The following DOCK2 variants were observed in gnomAD, a reference collection of about 807,000 sequenced individuals.
DOCK2 encodes dedicator of cytokinesis protein 2.
In DOCK2, 87 loss-of-function variants were observed where a neutral mutation model predicts 248.9. The observed-to-expected ratio is 0.35, with a 90% CI of 0.29 to 0.42. The LOEUF is 0.42. Ranked by LOEUF, DOCK2 falls within the 10% of genes least tolerant of loss-of-function variation. The pLI is 1.00. For synonymous variants in DOCK2, 805 were observed against 821.6 expected (o/e 0.98, Z 0.35); for missense variants, 1,747 against 2,300.2 (o/e 0.76, Z 4.92).
At chr5:169,858,315 G>T (rs1326282416) in intron 27 of DOCK2, among the ~76,000 whole-genome samples, 1 of 152,210 alleles carries the variant, frequency 6.6e-6, no homozygotes, top group Admixed American at 6.5e-5. Flanking sequence ...ATGTCTAAGA[G>T]GGGTATTTGG....
intron 2 of DOCK2, among the ~76,000 whole-genome samples, chr5:169,668,626 C>G (rs1758861652): frequency 6.6e-6 from 1 of 152,318 alleles, no homozygotes; most frequent in East Asian, 1.9e-4. Context: ...TCAGGACTTG[C>G]TGCACTCAGG....
In DOCK2 at chr5:169,714,341, T is replaced by C; in HGVS notation, c.1844-19T>C. On this transcript the variant is annotated intron_variant, in intron 18 of 51. Coordinates refer to ENST00000520908, the MANE Select transcript of DOCK2 (RefSeq NM_004946.3). Reference sequence around the variant, plus strand: ...TTAGGCCAGTAATGATACTTCTGAATGTCTGGACTCTATTTTAGTGGGCTT... The same window carrying C: ...TTAGGCCAGTAATGATACTTCTGAACGTCTGGACTCTATTTTAGTGGGCTT... The C allele has an allele frequency of 6.2e-7, 1 of 1,614,034 alleles. No homozygotes were observed. Among genetic ancestry groups the C allele is most frequent in the Non-Finnish European group, 8.5e-7 (1 of 1,179,938 alleles).
chr5:169,950,644 C>T (rs764179763), intron 27 of DOCK2, among the ~76,000 whole-genome samples: 1 of 152,242 alleles, frequency 6.6e-6, no homozygotes, highest in Non-Finnish European at 1.5e-5. Flanking sequence ...CAGGTGTACT[C>T]TTTTCCCCTA....
chr5:169,790,798 G>T (rs1418493382), intron 25 of DOCK2, among the ~76,000 whole-genome samples: 1 of 152,142 alleles, frequency 6.6e-6, no homozygotes, highest in East Asian at 1.9e-4. Flanking sequence ...ATTTTTGGAG[G>T]GAGAGAAGTG....
In DOCK2 at chr5:170,047,551, C is replaced by T. The variant is rs1370834930; in HGVS notation, c.4008C>T (p.Leu1336=). ...AKFYESIMKI[L]RPKPDYFAVG... ...TCTATGAAAGCATCATGAAAATCCT[C>T]AGGCCCAAACCAGACTACTTTGCTG... The change falls in exon 40 of 52, where the codon CTC becomes CTT. Residue 1336 remains leucine (L), a synonymous_variant. Transcript: ENST00000520908. 6.2e-7 allele frequency: 1 copy of T among 1,613,690 alleles called. No individual in the cohort carries two copies. Among genetic ancestry groups the T allele is most frequent in the South Asian group, 1.1e-5 (1 of 90,972 alleles).
In DOCK2 at chr5:169,828,339, C is replaced by T. The variant is rs116675941; in HGVS notation, c.2704-12418C>T. 2.0e-3 allele frequency among the ~76,000 whole-genome samples: 311 copies of T among 152,256 alleles called. 1 individual carries two copies. The highest frequency in any genetic ancestry group is 7.0e-3 in the African/African-American group (292 of 41,534). On this transcript the variant is annotated intron_variant, in intron 26 of 51. Transcript: ENST00000520908. ...TGGTAGAATTAATCCCTAAGCAGAGCGGTCAGTGAGAGTGGGCTCTGAATT... is the reference window on the plus strand; with the variant it reads ...TGGTAGAATTAATCCCTAAGCAGAGTGGTCAGTGAGAGTGGGCTCTGAATT...
intron 32 of DOCK2, among the ~76,000 whole-genome samples, chr5:170,010,281 G>C (rs1755236078): frequency 6.6e-6 from 1 of 152,112 alleles, no homozygotes. Context: ...CCTCTACCCT[G>C]TTTTTCTAGA....
At chr5:169,711,633 A>G (rs1022440961) in intron 15 of DOCK2, among the ~76,000 whole-genome samples, 2 of 152,236 alleles carry the variant, frequency 1.3e-5, no homozygotes, top group Non-Finnish European at 2.9e-5. Flanking sequence ...ATCCTGTGCT[A>G]AAGTTATGTG....
At chr5:169,761,923 G>A (rs1453548602) in intron 25 of DOCK2, among the ~76,000 whole-genome samples, 5 of 152,136 alleles carry the variant, frequency 3.3e-5, no homozygotes, top group African/African-American at 4.8e-5. Context: ...AAAGGGAAAT[G>A]GATAAAGTTC....
intron 27 of DOCK2, among the ~76,000 whole-genome samples, chr5:169,856,529 A>G (rs1770906229): frequency 6.6e-6 from 1 of 152,166 alleles, no homozygotes; most frequent in Non-Finnish European, 1.5e-5. Context: ...TGAGTTTATG[A>G]GTGCTGATGT....
intron 2 of DOCK2, among the ~76,000 whole-genome samples, chr5:169,668,933 A>G (rs1442508185): frequency 1.3e-5 from 2 of 152,160 alleles, no homozygotes; most frequent in Non-Finnish European, 2.9e-5. Context: ...AATGGACACA[A>G]GGGAGGGGCT....
chr5:169,907,935 G>A (rs1774382108), intron 27 of DOCK2, among the ~76,000 whole-genome samples: 1 of 152,194 alleles, frequency 6.6e-6, no homozygotes, highest in Non-Finnish European at 1.5e-5. Context: ...CTCTTGTGCA[G>A]GCACTTCTTG....
At chr5:169,698,253 A>T in intron 10 of DOCK2, 121 bp from the exon 11 acceptor site, 1 of 884,874 alleles carries the variant, frequency 1.1e-6, no homozygotes, top group Non-Finnish European at 1.8e-6. Flanking sequence ...TTGCCATTTT[A>T]GGCCTTCCTG....
intron 26 of DOCK2, among the ~76,000 whole-genome samples, chr5:169,815,101 C>T (rs529904695): frequency 2.0e-5 from 3 of 152,286 alleles, no homozygotes; most frequent in East Asian, 1.9e-4. Flanking sequence ...TAGTATTTCA[C>T]GTGGGCTATT....
intron 27 of DOCK2, among the ~76,000 whole-genome samples, chr5:169,958,856 A>T (rs948798006): frequency 6.6e-6 from 1 of 152,168 alleles, no homozygotes; most frequent in Admixed American, 6.5e-5. Context: ...TTTGCCAAAA[A>T]TACTTAAGAG....
intron 22 of DOCK2, among the ~76,000 whole-genome samples, chr5:169,730,112 A>T (rs1369216205): frequency 6.6e-6 from 1 of 152,008 alleles, no homozygotes; most frequent in African/African-American, 2.4e-5. Context: ...ATGCACCACC[A>T]CACCCAGCTA....
chr5:169,830,179 A>G (rs1769129179), intron 26 of DOCK2, among the ~76,000 whole-genome samples: 1 of 152,244 alleles, frequency 6.6e-6, no homozygotes, highest in Non-Finnish European at 1.5e-5. Flanking sequence ...CAAGTTGCAT[A>G]AAGCTTTAGA....
chr5:169,986,863 C>A lies in DOCK2; in HGVS notation c.2993+941C>A, dbSNP rs1313073888. Among the ~76,000 whole-genome samples the A allele has an allele frequency of 5.3e-5, 8 of 152,202 alleles. No individual in the cohort carries two copies. The East Asian group carries it at 1.2e-3, about 22-fold the overall frequency. On this transcript the variant is annotated intron_variant, in intron 29 of 51. Transcript: ENST00000520908. ...TCTACCTATTGTTCTTGTTTTATAT[C>A]AAAAAACCAAGCATTGTCTGGCAAA...
At chr5:169,869,323 C>CT (rs1454880765) in intron 27 of DOCK2, among the ~76,000 whole-genome samples, 3 of 152,180 alleles carry the variant, frequency 2.0e-5, no homozygotes, top group Non-Finnish European at 4.4e-5. Flanking sequence ...CTTGTGACTG[C>CT]CCCCACTGGT....
Sources: allele counts gnomAD v4.1 joint callset (sites outside exome capture counted in the v4.1 genomes callset), GRCh38; gene constraint gnomAD v4.1.1; transcripts MANE v1.5; gene names NCBI Gene and HGNC (gene_info 2026-07-23, HGNC 2026-07-21).